SIK3: variants seen among roughly 807,000 people sequenced by gnomAD.
The protein encoded by SIK3 is serine/threonine-protein kinase SIK3.
Under a neutral mutation model 144.2 loss-of-function variants are expected in SIK3, and 28 were observed. The observed-to-expected ratio is 0.19, with a 90% CI of 0.14 to 0.27. The LOEUF is 0.27. Ranked by LOEUF, SIK3 falls within the 10% of genes least tolerant of loss-of-function variation. The pLI, the probability that SIK3 is intolerant of heterozygous loss-of-function variation, is 1.00. For missense variants in SIK3, 1,319 were observed against 1,776.0 expected (o/e 0.74, Z 4.62); for synonymous variants, 686 against 676.3 (o/e 1.01, Z -0.22).
At position 117,062,531 on chromosome 11, in the gene SIK3, C is replaced by T. The variant is rs1953841520; in HGVS notation, c.273+35612G>A. Among the ~76,000 whole-genome samples the T allele has an allele frequency of 2.6e-5, 4 of 152,060 alleles. No homozygotes were observed. In the South Asian group the frequency reaches 8.3e-4, roughly 32 times the overall value. ...TCGGCCCAAAATGGAACCCATAGGTCCAAAATATGCCTAATAGTAACAGAC... is the reference window on the plus strand; with the variant it reads ...TCGGCCCAAAATGGAACCCATAGGTTCAAAATATGCCTAATAGTAACAGAC... On this transcript the variant is annotated intron_variant, in intron 1 of 24. Coordinates refer to ENST00000445177, the MANE Select transcript of SIK3 (RefSeq NM_001366686.3).
intron 7 of SIK3, 26 bp downstream of exon 7, chr11:116,876,898 C>A (rs1329623064): frequency 5.1e-6 from 8 of 1,581,024 alleles, no homozygotes; most frequent in Non-Finnish European, 6.1e-6. Flanking sequence ...CAGAGGAGTC[C>A]CCTGCAGCAG....
At chr11:116,919,091 A>G (rs1047464732) in intron 4 of SIK3, among the ~76,000 whole-genome samples, 1 of 152,222 alleles carries the variant, frequency 6.6e-6, no homozygotes, top group Non-Finnish European at 1.5e-5. Flanking sequence ...AGAGGGCATT[A>G]GAATCATGAA....
chr11:116,992,320 C>CT (rs1206040700), intron 1 of SIK3, among the ~76,000 whole-genome samples: 1 of 144,840 alleles, frequency 6.9e-6, no homozygotes, highest in Admixed American at 6.8e-5. Context: ...GCAAGACCCC[C>CT]CCCCCCAAAA....
Position 117,009,126 on chromosome 11 carries a change from T to C in SIK3, c.274-52062A>G, listed in dbSNP as rs185334202. Among the ~76,000 whole-genome samples, 438 of 151,468 alleles carry C rather than the reference T, an allele frequency of 2.9e-3. 5 individuals carry two copies. In the South Asian group the frequency reaches 0.054, roughly 19 times the overall value. ...GGTGTGCGCCTGTAATCCCAGCTAC[T>C]TGGGGGGCTGAGGCAGGAGATCACT... On this transcript the variant is annotated intron_variant, in intron 1 of 24. Coordinates refer to ENST00000445177, the MANE Select transcript of SIK3 (RefSeq NM_001366686.3).
intron 1 of SIK3, among the ~76,000 whole-genome samples, chr11:117,047,830 GA>G (rs1953038198): frequency 6.6e-6 from 1 of 152,060 alleles, no homozygotes; most frequent in Non-Finnish European, 1.5e-5. Context: ...AATTGTTTAT[GA>G]AAAAATGTTA....
intron 1 of SIK3, among the ~76,000 whole-genome samples, chr11:117,026,238 C>T (rs1352704664): frequency 6.6e-6 from 1 of 152,148 alleles, no homozygotes; most frequent in Admixed American, 6.6e-5. Flanking sequence ...TAGGAAAATG[C>T]TGTATAGGTT....
chr11:116,944,068 C>G (rs1433118354), intron 3 of SIK3, among the ~76,000 whole-genome samples: 1 of 152,062 alleles, frequency 6.6e-6, no homozygotes, highest in African/African-American at 2.4e-5. Flanking sequence ...GTATTTTATA[C>G]TTTATAAGCG....
chr11:116,914,058 G>A (rs1435809426), intron 4 of SIK3, among the ~76,000 whole-genome samples: 2 of 151,928 alleles, frequency 1.3e-5, no homozygotes, highest in African/African-American at 4.8e-5. Flanking sequence ...GAAATTAAGA[G>A]TAGGTAACAA....
chr11:117,003,612 G>A (rs947710423), intron 1 of SIK3, among the ~76,000 whole-genome samples: 2 of 152,080 alleles, frequency 1.3e-5, no homozygotes, highest in Admixed American at 6.6e-5. Context: ...GCAACAAAGC[G>A]AGACCCCAAC....
intron 6 of SIK3, among the ~76,000 whole-genome samples, chr11:116,881,384 G>A (rs1284238142): frequency 6.6e-6 from 1 of 152,162 alleles, no homozygotes; most frequent in Non-Finnish European, 1.5e-5. Flanking sequence ...CCAACAGAAC[G>A]TTAACTAGAG....
chr11:117,081,188 A>T (rs553039230), intron 1 of SIK3, among the ~76,000 whole-genome samples: 1 of 152,104 alleles, frequency 6.6e-6, no homozygotes, highest in South Asian at 2.1e-4. Flanking sequence ...AATGGGGAAA[A>T]AATCTGGTTA....
chr11:117,035,899 T>C (rs905481753), intron 1 of SIK3: 15 of 1,596,766 alleles, frequency 9.4e-6, no homozygotes, highest in African/African-American at 1.3e-5. Context: ...AAACTACCGT[T>C]TGTGCATGGC....
Position 116,845,218 on chromosome 11 carries a change from C to T in SIK3, c.*425G>A, listed in dbSNP as rs959047518. 2 of 151,482 alleles carry T rather than the reference C, an allele frequency of 1.3e-5. No individual in the cohort carries two copies. Among genetic ancestry groups the T allele is most frequent in the African/African-American group, 4.9e-5 (2 of 41,104 alleles). 9.4% of individuals were successfully genotyped at this position (151,482 alleles called of 1,614,324 possible). On this transcript the variant is annotated 3_prime_UTR_variant, in exon 25 of 25. Transcript: ENST00000445177. ...GCTAGGGAGGGAGTGGCCCTGAGGC[C>T]GCTGGCCTCTGAACTCTAACTGCTT...
At chr11:116,887,266 A>G (rs2134669598) in intron 6 of SIK3, among the ~76,000 whole-genome samples, 1 of 137,926 alleles carries the variant, frequency 7.3e-6, no homozygotes, top group Non-Finnish European at 1.6e-5. Context: ...AAAAAAAAAA[A>G]GTATATAAAA....
At chr11:116,972,820 A>ACG (rs1317277483) in intron 1 of SIK3, among the ~76,000 whole-genome samples, 1 of 152,086 alleles carries the variant, frequency 6.6e-6, no homozygotes, top group African/African-American at 2.4e-5. Flanking sequence ...ACACACACAC[A>ACG]CATAATGACA....
intron 4 of SIK3, among the ~76,000 whole-genome samples, chr11:116,922,548 AG>A (rs1022183475): frequency 6.6e-6 from 1 of 152,188 alleles, no homozygotes; most frequent in Non-Finnish European, 1.5e-5. Context: ...GCACTTTATG[AG>A]GCCAAGGCAG....
chr11:117,061,285 T>G (rs937454733), intron 1 of SIK3, among the ~76,000 whole-genome samples: 1 of 152,022 alleles, frequency 6.6e-6, no homozygotes, highest in Non-Finnish European at 1.5e-5. Flanking sequence ...AAAAAAAATT[T>G]TAAGGTATTA....
chr11:117,079,654 C>A (rs906343793), intron 1 of SIK3, among the ~76,000 whole-genome samples: 1 of 150,770 alleles, frequency 6.6e-6, no homozygotes, highest in South Asian at 2.1e-4. Context: ...CAAAGATTTA[C>A]ATTTAAAAAC....
chr11:117,079,874 A>G (rs1442891421), intron 1 of SIK3, among the ~76,000 whole-genome samples: 1 of 152,148 alleles, frequency 6.6e-6, no homozygotes. Flanking sequence ...CCTAATATTA[A>G]AAAGCTATTA....
Sources: gnomAD v4.1 joint callset for allele counts (sites outside exome capture counted in the v4.1 genomes callset) on GRCh38, gnomAD v4.1.1 for gene constraint, MANE v1.5 for transcripts, NCBI Gene and HGNC (gene_info 2026-07-23, HGNC 2026-07-21) for gene names.